The following PAPPA variants were observed in gnomAD, a reference collection of about 807,000 sequenced individuals.
PAPPA encodes pappalysin-1.
PAPPA carries 60 observed loss-of-function variants against 164.0 expected under a neutral mutation model. The observed-to-expected ratio is 0.37, with a 90% CI of 0.30 to 0.45. The LOEUF (loss-of-function observed/expected upper bound fraction) is 0.45. Ranked by LOEUF, PAPPA falls within the 20% of genes least tolerant of loss-of-function variation. The pLI is 1.00. For synonymous variants in PAPPA, 875 were observed against 814.1 expected, an observed-to-expected ratio of 1.07 and a Z score of -1.27; for missense variants, 1,782 against 2,087.3, an observed-to-expected ratio of 0.85 and a Z score of 2.85.
At chr9:116,340,023 C>T (rs755917815) in intron 13 of PAPPA, among the ~76,000 whole-genome samples, 40 of 152,160 alleles carry the variant, frequency 2.6e-4, no homozygotes, top group Non-Finnish European at 5.7e-4. Context: ...CCCCAGGGAC[C>T]TCCACTTTTG....
chr9:116,256,307 A>G (rs972282319), intron 7 of PAPPA, among the ~76,000 whole-genome samples: 2 of 151,682 alleles, frequency 1.3e-5, no homozygotes, highest in African/African-American at 4.9e-5. Context: ...TAGAAAGTAC[A>G]ATTTTCACAG....
At chr9:116,317,342 C>A (rs1166566243) in intron 10 of PAPPA, among the ~76,000 whole-genome samples, 1 of 152,068 alleles carries the variant, frequency 6.6e-6, no homozygotes, top group Non-Finnish European at 1.5e-5. Context: ...CCCATGAATG[C>A]CCAGGGACTT....
chr9:116,301,802 G>A (rs1845582410), intron 9 of PAPPA, among the ~76,000 whole-genome samples: 2 of 152,202 alleles, frequency 1.3e-5, no homozygotes, highest in South Asian at 2.1e-4. Flanking sequence ...CATTAGACAG[G>A]AAGGGTTCTT....
intron 1 of PAPPA, among the ~76,000 whole-genome samples, chr9:116,155,471 G>A (rs980489711): frequency 1.3e-5 from 2 of 152,200 alleles, no homozygotes; most frequent in Non-Finnish European, 2.9e-5. Context: ...ACTGGGGAGC[G>A]GAGGTGGGGG....
chr9:116,304,223 A>G (rs530326562), intron 10 of PAPPA, among the ~76,000 whole-genome samples: 5 of 152,354 alleles, frequency 3.3e-5, no homozygotes, highest in African/African-American at 9.6e-5. Flanking sequence ...TTTGAGAACA[A>G]GTTTCAGTTT....
At chr9:116,289,634 GAGA>G (rs1239911485) in intron 9 of PAPPA, among the ~76,000 whole-genome samples, 1 of 152,036 alleles carries the variant, frequency 6.6e-6, no homozygotes, top group Non-Finnish European at 1.5e-5. Flanking sequence ...ACTTTATACA[GAGA>G]AGCACAGGAA....
At chr9:116,335,183 C>A in intron 13 of PAPPA, 109 bp downstream of exon 13, 1 of 872,572 alleles carries the variant, frequency 1.1e-6, no homozygotes, top group Non-Finnish European at 1.8e-6. Context: ...CTGTGCATTT[C>A]TCCCTTCTCC....
intron 8 of PAPPA, 144 bp downstream of exon 8, chr9:116,266,129 G>A: frequency 1.6e-6 from 1 of 628,734 alleles, no homozygotes; most frequent in Non-Finnish European, 2.5e-6. Flanking sequence ...CTCTGGATTG[G>A]TCTCCAAACA....
At chr9:116,326,311 A>G (rs990798946) in intron 10 of PAPPA, among the ~76,000 whole-genome samples, 5 of 152,102 alleles carry the variant, frequency 3.3e-5, no homozygotes, top group African/African-American at 1.2e-4. Flanking sequence ...TAATAAATGT[A>G]ATTATTTATT....
intron 1 of PAPPA, among the ~76,000 whole-genome samples, chr9:116,158,049 C>G (rs971667174): frequency 1.3e-4 from 20 of 152,192 alleles, no homozygotes; most frequent in African/African-American, 4.3e-4. Flanking sequence ...GCCCTCCTCC[C>G]ACCCCTGTCC....
At chr9:116,161,867 A>AC (rs1291503321) in intron 1 of PAPPA, among the ~76,000 whole-genome samples, 1 of 152,212 alleles carries the variant, frequency 6.6e-6, no homozygotes, top group Non-Finnish European at 1.5e-5. Context: ...AGTTAAAAAT[A>AC]CTAAAAGTGT....
rs1344110320 is a variant in PAPPA at position 116,401,852 on chromosome 9, A to AAG, written c.*5238_*5239dup. ...AGAATTCTTCTGGCCTATTGTAAAA[A>AAG]AGAAAAAAAAAAAGAAAAAGAAGAA... On this transcript the variant is annotated 3_prime_UTR_variant, in exon 22 of 22. Transcript: ENST00000328252. The AAG allele has an allele frequency of 7.8e-6, 1 of 128,680 alleles. No homozygotes were observed. Among genetic ancestry groups the AAG allele is most frequent in the Non-Finnish European group, 1.7e-5 (1 of 59,780 alleles). The allele number at this position is 128,680 out of a possible 1,614,324, so 8.0% of individuals were successfully genotyped here. A position where few individuals can be genotyped will look rare whatever the true frequency, so the allele number is the denominator to read the frequency against.
At position 116,196,022 on chromosome 9, in the gene PAPPA, T is replaced by G. The variant is rs544172189; in HGVS notation, c.1478+7806T>G. 2.6e-5 allele frequency among the ~76,000 whole-genome samples: 4 copies of G among 152,212 alleles called. No homozygotes were observed. The East Asian group carries it at 7.7e-4, about 29-fold the overall frequency. On this transcript the variant is annotated intron_variant, in intron 2 of 21. Coordinates refer to ENST00000328252, the MANE Select transcript of PAPPA (RefSeq NM_002581.5). Reference sequence around the variant, plus strand: ...GCAAAGGCATGTCTGGGATTCCAAGTTGGGGCTCATTGAATAGTGAGTAGG... The same window carrying G: ...GCAAAGGCATGTCTGGGATTCCAAGGTGGGGCTCATTGAATAGTGAGTAGG...
At chr9:116,302,226 C>T (rs571928459) in intron 9 of PAPPA, among the ~76,000 whole-genome samples, 10 of 152,132 alleles carry the variant, frequency 6.6e-5, no homozygotes, top group African/African-American at 2.4e-4. Context: ...CTTTTTATTA[C>T]AGTATAGACA....
intron 7 of PAPPA, among the ~76,000 whole-genome samples, chr9:116,248,224 T>C (rs1339346765): frequency 6.6e-6 from 1 of 152,214 alleles, no homozygotes; most frequent in Non-Finnish European, 1.5e-5. Flanking sequence ...CTTTAACCTT[T>C]GTAACTGAGC....
chr9:116,276,881 C>T (rs1042511494), intron 9 of PAPPA, among the ~76,000 whole-genome samples: 4 of 152,158 alleles, frequency 2.6e-5, no homozygotes, highest in African/African-American at 7.2e-5. Flanking sequence ...GGAGAAGAAT[C>T]GGTCTGCCTC....
intron 17 of PAPPA, among the ~76,000 whole-genome samples, chr9:116,355,626 C>A (rs1309519416): frequency 1.3e-5 from 2 of 152,224 alleles, no homozygotes; most frequent in Admixed American, 6.5e-5. Flanking sequence ...CTGTTGCTAA[C>A]AGTTACCCAA....
At chr9:116,356,404 G>A (rs1564239481) in intron 17 of PAPPA, among the ~76,000 whole-genome samples, 1 of 152,226 alleles carries the variant, frequency 6.6e-6, no homozygotes, top group Non-Finnish European at 1.5e-5. Flanking sequence ...ATCATATGTG[G>A]TAGCCCTGGG....
intron 7 of PAPPA, 125 bp downstream of exon 7, chr9:116,235,762 AC>A: frequency 1.1e-6 from 1 of 907,076 alleles, no homozygotes; most frequent in Non-Finnish European, 1.8e-6. Flanking sequence ...ATGGATTGTA[AC>A]CCATCATTGG....
Sources: allele counts gnomAD v4.1 joint callset (sites outside exome capture counted in the v4.1 genomes callset), GRCh38; gene constraint gnomAD v4.1.1; transcripts MANE v1.5; gene names NCBI Gene and HGNC (gene_info 2026-07-23, HGNC 2026-07-21).